Variants in TULP4 observed in about 807,000 individuals in gnomAD.
The protein encoded by TULP4 is tubby-related protein 4.
Under a neutral mutation model 129.0 loss-of-function variants are expected in TULP4, and 16 were observed. The observed-to-expected ratio is 0.12, with a 90% confidence interval of 0.08 to 0.19. The LOEUF is 0.19. Among genes scored for constraint, TULP4 ranks in the 10% least tolerant of loss-of-function variants. The probability of loss-of-function intolerance (pLI) is 1.00; values close to 1 mark genes in which losing one functional copy is unlikely to be tolerated. For synonymous variants in TULP4, 998 were observed against 854.0 expected (o/e 1.17, Z -2.94); for missense variants, 1,842 against 2,059.1 (o/e 0.89, Z 2.04).
intron 2 of TULP4, among the ~76,000 whole-genome samples, chr6:158,417,198 C>T (rs148072275): frequency 6.6e-6 from 1 of 152,356 alleles, no homozygotes; most frequent in African/African-American, 2.4e-5. Context: ...ATTCTCCTAG[C>T]AGTAGCCTCT....
intron 6 of TULP4, among the ~76,000 whole-genome samples, chr6:158,463,103 A>T (rs1779478333): frequency 6.6e-6 from 1 of 152,138 alleles, no homozygotes; most frequent in Non-Finnish European, 1.5e-5. Flanking sequence ...AACCATCTCG[A>T]AATTATCCTT....
intron 1 of TULP4, among the ~76,000 whole-genome samples, chr6:158,366,698 C>A (rs1466019158): frequency 6.6e-6 from 1 of 152,182 alleles, no homozygotes; most frequent in Non-Finnish European, 1.5e-5. Context: ...GGTAAACATG[C>A]CTGCCTTCCT....
chr6:158,453,485 C>CAAAAAAAAAAAAAAAAAAAAAAAAA (rs869146924), intron 5 of TULP4, among the ~76,000 whole-genome samples: 2 of 17,982 alleles, frequency 1.1e-4, no homozygotes, highest in African/African-American at 4.2e-4. Context: ...CTCTGTCTCA[C>CAAAAAAAAAAAAAAAAAAAAAAAAA]AAAAAAAAAA....
intron 1 of TULP4, among the ~76,000 whole-genome samples, chr6:158,336,257 T>C (rs887048981): frequency 3.3e-5 from 5 of 152,232 alleles, no homozygotes; most frequent in Non-Finnish European, 7.3e-5. Context: ...ATATCTTTCA[T>C]CTATTTTTCT....
intron 6 of TULP4, among the ~76,000 whole-genome samples, chr6:158,468,375 T>A (rs1287458966): frequency 1.3e-5 from 2 of 152,208 alleles, no homozygotes; most frequent in Non-Finnish European, 2.9e-5. Flanking sequence ...TTACACAAAC[T>A]TCTCAGTTTT....
chr6:158,281,891 A>G (rs960222831), upstream of TULP4, among the ~76,000 whole-genome samples: 4 of 152,138 alleles, frequency 2.6e-5, no homozygotes, highest in Admixed American at 1.3e-4. Flanking sequence ...TCAAAATTTA[A>G]TACTGGGAAA....
intron 1 of TULP4, among the ~76,000 whole-genome samples, chr6:158,385,086 T>C (rs895155038): frequency 1.3e-5 from 2 of 152,172 alleles, no homozygotes; most frequent in Middle Eastern, 3.2e-3. Flanking sequence ...CACGTCAGTG[T>C]GTTGATGCCG....
At chr6:158,369,250 T>G (rs1777015666) in intron 1 of TULP4, among the ~76,000 whole-genome samples, 1 of 152,058 alleles carries the variant, frequency 6.6e-6, no homozygotes, top group African/African-American at 2.4e-5. Flanking sequence ...TTCCAGAACT[T>G]TGGGAGGCCA....
rs368409824 is a variant in TULP4 at position 158,386,406 on chromosome 6, A to G, written c.253-26659A>G. 3.3e-5 allele frequency among the ~76,000 whole-genome samples: 5 copies of G among 152,360 alleles called. No individual in the cohort carries two copies. The East Asian group carries it at 9.6e-4, about 29-fold the overall frequency. ...ATTTAAAATAATTTGGAGGACATCC[A>G]GTCTTTCATGGTGACAAAATGAAAT... On this transcript the variant is annotated intron_variant, in intron 1 of 13. Coordinates refer to ENST00000367097, the MANE Select transcript of TULP4 (RefSeq NM_020245.5).
rs9457342 is a variant in TULP4 at position 158,313,917 on chromosome 6, G to A, written c.-100G>A. The A allele has an allele frequency of 9.8e-4, 1,395 of 1,422,778 alleles. 12 individuals are homozygous for A. The African/African-American group carries it at 0.017, about 17-fold the overall frequency. The allele number at this position is 1,422,778 out of a possible 1,614,324, so 88.1% of individuals were successfully genotyped here. On this transcript the variant is annotated 5_prime_UTR_variant, in exon 1 of 14. Coordinates refer to ENST00000367097, the MANE Select transcript of TULP4 (RefSeq NM_020245.5). ...TTAATTAAAGGGGGAAAAAAGCAAC[G>A]CAAGCCAACCACAAAAACACATATA... is the stretch of plus-strand genomic sequence containing the variant.
At chr6:158,504,771 C>T (rs1048890461) in intron 13 of TULP4, among the ~76,000 whole-genome samples, 2 of 152,054 alleles carry the variant, frequency 1.3e-5, no homozygotes, top group Admixed American at 6.6e-5. Flanking sequence ...GGATTACAGG[C>T]GTGAGCCAAC....
chr6:158,307,985 GTTTTTCTTTTC>G (rs1298839319), upstream of TULP4, among the ~76,000 whole-genome samples: 2 of 151,404 alleles, frequency 1.3e-5, no homozygotes, highest in African/African-American at 2.4e-5. Flanking sequence ...TGAAAGCTCA[GTTTTTCTTTTC>G]TTTTTTTTTT....
chr6:158,483,747 AC>A (rs1318330136), intron 8 of TULP4, among the ~76,000 whole-genome samples: 1 of 152,066 alleles, frequency 6.6e-6, no homozygotes, highest in Non-Finnish European at 1.5e-5. Flanking sequence ...TCCTAGGCTT[AC>A]CCTTAGATTA....
intron 1 of TULP4, among the ~76,000 whole-genome samples, chr6:158,400,441 A>G (rs1157845459): frequency 1.3e-5 from 2 of 152,204 alleles, no homozygotes; most frequent in Admixed American, 1.3e-4. Context: ...ATTCTATTAT[A>G]CAGTAACATC....
At chr6:158,243,735 C>A (rs1422556827) in intron 1 of TULP4, among the ~76,000 whole-genome samples, 1 of 151,834 alleles carries the variant, frequency 6.6e-6, no homozygotes, top group Non-Finnish European at 1.5e-5. Flanking sequence ...AGGAAGTCTT[C>A]TTTCTTTCTT....
At position 158,349,280 on chromosome 6, in the gene TULP4, A is replaced by G. The variant is rs1436913975; in HGVS notation, c.252+35012A>G. 7.9e-5 allele frequency among the ~76,000 whole-genome samples: 10 copies of G among 126,824 alleles called. 1 individual carries two copies. The highest frequency in any genetic ancestry group is 3.0e-4 in the African/African-American group (10 of 33,076). 83.2% of individuals were successfully genotyped at this position (126,824 alleles called of 152,430 possible). A position where few individuals can be genotyped will look rare whatever the true frequency, so the allele number is the denominator to read the frequency against. ...CGGGCAGAGGCGCTCCTCACCTCCC[A>G]GATGGGGCGGCTGCCGGTCAGAGGT... On this transcript the variant is annotated intron_variant, in intron 1 of 13. Coordinates refer to ENST00000367097, the MANE Select transcript of TULP4 (RefSeq NM_020245.5).
chr6:158,476,532 A>G (rs749247457), intron 6 of TULP4, among the ~76,000 whole-genome samples: 2 of 152,130 alleles, frequency 1.3e-5, no homozygotes, highest in Non-Finnish European at 2.9e-5. Flanking sequence ...GTTTGGAGTC[A>G]CACCATCCTC....
chr6:158,258,593 C>T (rs1057076773), intron 1 of TULP4, among the ~76,000 whole-genome samples: 10 of 152,128 alleles, frequency 6.6e-5, no homozygotes, highest in Admixed American at 6.5e-4. Flanking sequence ...TTAGAGACAC[C>T]ACTCCAACAG....
intron 12 of TULP4, 25 bp downstream of exon 12, chr6:158,498,837 T>A: frequency 1.2e-6 from 2 of 1,612,148 alleles, no homozygotes; most frequent in Non-Finnish European, 1.7e-6. Flanking sequence ...ATCAACGTGT[T>A]TGTCACGGTC....
Sources: gnomAD v4.1 joint callset for allele counts (sites outside exome capture counted in the v4.1 genomes callset) on GRCh38, gnomAD v4.1.1 for gene constraint, MANE v1.5 for transcripts, NCBI Gene and HGNC (gene_info 2026-07-23, HGNC 2026-07-21) for gene names.